MEGF11: variants seen among roughly 807,000 people sequenced by gnomAD.
MEGF11 encodes multiple EGF like domains 11, also known as multiple epidermal growth factor-like domains protein 11.
In MEGF11, 126 loss-of-function variants were observed where a neutral mutation model predicts 146.6. The observed-to-expected ratio is 0.86, with a 90% CI of 0.74 to 1.00. The LOEUF (loss-of-function observed/expected upper bound fraction) is 1.00, where lower values mean the gene tolerates loss of function less well. Ranked by LOEUF, MEGF11 falls within the 50% of genes least tolerant of loss-of-function variation. The probability of loss-of-function intolerance (pLI) is 0.00; values close to 1 mark genes in which losing one functional copy is unlikely to be tolerated. For missense variants in MEGF11, 1,509 were observed against 1,521.2 expected (o/e 0.99, Z 0.13); for synonymous variants, 532 against 583.4 (o/e 0.91, Z 1.27).
At chr15:66,238,279 C>T (rs1157439086) in intron 1 of MEGF11, among the ~76,000 whole-genome samples, 1 of 152,176 alleles carries the variant, frequency 6.6e-6, no homozygotes, top group Non-Finnish European at 1.5e-5. Context: ...CCACAGATGC[C>T]CCAGAGAAAG....
intron 5 of MEGF11, among the ~76,000 whole-genome samples, chr15:66,016,761 A>G (rs941053939): frequency 6.6e-6 from 1 of 152,258 alleles, no homozygotes; most frequent in African/African-American, 2.4e-5. Flanking sequence ...TTAATTTATT[A>G]TAAATATAAA....
At chr15:66,252,802 C>T (rs893899803) in intron 1 of MEGF11, among the ~76,000 whole-genome samples, 1 of 152,254 alleles carries the variant, frequency 6.6e-6, no homozygotes, top group African/African-American at 2.4e-5. Flanking sequence ...ACCCATTTCC[C>T]CACCTCCAAC....
intron 1 of MEGF11, among the ~76,000 whole-genome samples, chr15:66,145,045 G>A (rs113364741): frequency 4.5e-4 from 69 of 152,322 alleles, no homozygotes; most frequent in Non-Finnish European, 9.0e-4. Context: ...CAGCCCTGCT[G>A]TAGAATACCT....
intron 5 of MEGF11, among the ~76,000 whole-genome samples, chr15:66,003,700 A>G (rs538723066): frequency 1.3e-5 from 2 of 152,234 alleles, no homozygotes; most frequent in East Asian, 3.9e-4. Context: ...GAGCCTCTCC[A>G]TGGCTTCTTT....
chr15:66,073,039 C>T (rs895409794), intron 5 of MEGF11, among the ~76,000 whole-genome samples: 2 of 152,230 alleles, frequency 1.3e-5, no homozygotes, highest in African/African-American at 4.8e-5. Flanking sequence ...TTCAGATTTA[C>T]TAGGAAGGGA....
intron 1 of MEGF11, among the ~76,000 whole-genome samples, chr15:66,182,172 C>T (rs190263498): frequency 4.6e-4 from 70 of 152,274 alleles, no homozygotes; most frequent in Middle Eastern, 6.8e-3. Context: ...TTGATGATCT[C>T]GGGACCAACG....
At chr15:66,066,591 A>G (rs1454797808) in intron 5 of MEGF11, among the ~76,000 whole-genome samples, 1 of 152,196 alleles carries the variant, frequency 6.6e-6, no homozygotes, top group Non-Finnish European at 1.5e-5. Context: ...GACCCTGCTC[A>G]CTACAGGTCT....
intron 1 of MEGF11, among the ~76,000 whole-genome samples, chr15:66,221,070 A>G (rs1022950349): frequency 6.6e-6 from 1 of 152,134 alleles, no homozygotes; most frequent in Non-Finnish European, 1.5e-5. Flanking sequence ...AGAACTCTCT[A>G]CTATTTTTGC....
At chr15:66,097,661 T>C (rs16949459) in intron 4 of MEGF11, among the ~76,000 whole-genome samples, 14,883 of 151,098 alleles carry the variant, frequency 0.098, 761 homozygotes, top group Middle Eastern at 0.18. Context: ...CCAAGAAATA[T>C]GAACTGCACT....
At chr15:65,970,477 A>G (rs1596931341) in intron 8 of MEGF11, 76 bp downstream of exon 8, 1 of 1,493,546 alleles carries the variant, frequency 6.7e-7, no homozygotes, top group Middle Eastern at 1.8e-4. Context: ...AGAGAGGGCT[A>G]TGAGCTGTTC....
chr15:66,029,132 T>G (rs1188317407), intron 5 of MEGF11, among the ~76,000 whole-genome samples: 1 of 151,596 alleles, frequency 6.6e-6, no homozygotes, highest in Non-Finnish European at 1.5e-5. Context: ...TAGAGAAGTG[T>G]GGCCAGGCAA....
intron 10 of MEGF11, among the ~76,000 whole-genome samples, chr15:65,938,950 T>G (rs1195777017): frequency 1.3e-5 from 2 of 152,270 alleles, no homozygotes; most frequent in African/African-American, 4.8e-5. Flanking sequence ...AATCAACAGC[T>G]GAGCTTCTCA....
intron 5 of MEGF11, among the ~76,000 whole-genome samples, chr15:65,991,947 AACAG>A (rs2082056347): frequency 6.6e-6 from 1 of 152,232 alleles, no homozygotes; most frequent in African/African-American, 2.4e-5. Flanking sequence ...CAGTTTGAGA[AACAG>A]ACAAGCAAAT....
intron 4 of MEGF11, among the ~76,000 whole-genome samples, chr15:66,102,168 C>G (rs1032211596): frequency 6.6e-6 from 1 of 150,602 alleles, no homozygotes; most frequent in Non-Finnish European, 1.5e-5. Flanking sequence ...TGCTCGTGGC[C>G]GGCTCCTGGT....
intron 5 of MEGF11, among the ~76,000 whole-genome samples, chr15:66,009,874 G>A (rs1032241228): frequency 9.2e-5 from 14 of 151,980 alleles, no homozygotes; most frequent in Non-Finnish European, 1.8e-4. Flanking sequence ...GATTACAGGC[G>A]TGAGCCACCG....
At chr15:66,064,058 T>C (rs902310773) in intron 5 of MEGF11, among the ~76,000 whole-genome samples, 7 of 152,146 alleles carry the variant, frequency 4.6e-5, no homozygotes, top group Non-Finnish European at 7.3e-5. Context: ...AGCACGTTGA[T>C]GAAACGCCAT....
chr15:66,166,715 C>T (rs12915540), intron 1 of MEGF11, among the ~76,000 whole-genome samples: 1,791 of 151,872 alleles, frequency 0.012, 20 homozygotes, highest in Non-Finnish European at 0.018. Flanking sequence ...AAGCTCTCTT[C>T]CCAGATCCGC....
chr15:65,967,853 A>G (rs2081160974), intron 8 of MEGF11, among the ~76,000 whole-genome samples: 2 of 152,092 alleles, frequency 1.3e-5, no homozygotes, highest in African/African-American at 4.8e-5. Flanking sequence ...AGGGATCATG[A>G]TGACAACACC....
At chr15:65,957,745 G>A (rs755456093) in intron 9 of MEGF11, 24 bp from the exon 10 acceptor site, 35 of 1,611,504 alleles carry the variant, frequency 2.2e-5, no homozygotes, top group Non-Finnish European at 3.0e-5. Flanking sequence ...AGAAGGGTGA[G>A]AAGACAGCTT....
Sources: gnomAD v4.1 joint callset for allele counts (sites outside exome capture counted in the v4.1 genomes callset) on GRCh38, gnomAD v4.1.1 for gene constraint, MANE v1.5 for transcripts, NCBI Gene and HGNC (gene_info 2026-07-23, HGNC 2026-07-21) for gene names.